Variants in MICAL2 observed in about 807,000 individuals in gnomAD.
The protein encoded by MICAL2 is [F-actin]-monooxygenase MICAL2.
Under a neutral mutation model 127.3 loss-of-function variants are expected in MICAL2, and 77 were observed. That is an observed-to-expected ratio of 0.60 (90% CI 0.50 to 0.73). The LOEUF (loss-of-function observed/expected upper bound fraction) is 0.73. Ranked by LOEUF, MICAL2 falls within the 30% of genes least tolerant of loss-of-function variation. MICAL2 has a pLI of 0.00. For synonymous variants in MICAL2, 570 were observed against 551.1 expected, an observed-to-expected ratio of 1.03 and a Z score of -0.48; for missense variants, 1,351 against 1,434.4, an observed-to-expected ratio of 0.94 and a Z score of 0.94.
chr11:12,170,513 C>T (rs906625935), intron 3 of MICAL2, among the ~76,000 whole-genome samples: 1 of 152,206 alleles, frequency 6.6e-6, no homozygotes. Context: ...GAGAAGAACA[C>T]CTATAAGTGT....
chr11:12,321,606 A>AG lies in MICAL2; in HGVS notation c.5328+1795_5328+1796insG, dbSNP rs1864297764. On this transcript the variant is annotated intron_variant, in intron 30 of 34. Coordinates refer to the MICAL2 transcript ENST00000646065. ...AGCGTCTTTCCCTCTCTGCATCATCACCATCAGTGAGGATATAAGAACTGT... is the reference window on the plus strand; with the variant it reads ...AGCGTCTTTCCCTCTCTGCATCATCAGCCATCAGTGAGGATATAAGAACTGT... 2.0e-5 allele frequency among the ~76,000 whole-genome samples: 3 copies of AG among 152,066 alleles called. No individual in the cohort carries two copies. The South Asian group carries it at 6.2e-4, about 32-fold the overall frequency.
chr11:12,222,097 G>A (rs16910813), intron 10 of MICAL2, among the ~76,000 whole-genome samples: 17 of 152,308 alleles, frequency 1.1e-4, no homozygotes, highest in African/African-American at 2.2e-4. Context: ...CCAGGGCAGC[G>A]CTGAGTCTCC....
intron 32 of MICAL2, among the ~76,000 whole-genome samples, chr11:12,340,342 G>T (rs1410617320): frequency 2.6e-5 from 4 of 152,152 alleles, no homozygotes; most frequent in Non-Finnish European, 5.9e-5. Context: ...AAAAAACTAT[G>T]GAAAACTATT....
intron 32 of MICAL2, among the ~76,000 whole-genome samples, chr11:12,342,685 C>A (rs565287389): frequency 6.6e-6 from 1 of 152,170 alleles, no homozygotes; most frequent in African/African-American, 2.4e-5. Flanking sequence ...ATTTGACATG[C>A]GTCAGCTCAT....
At chr11:12,336,623 T>A (rs1452387780) in intron 32 of MICAL2, among the ~76,000 whole-genome samples, 2 of 152,114 alleles carry the variant, frequency 1.3e-5, no homozygotes, top group Non-Finnish European at 2.9e-5. Context: ...TTGAGATACA[T>A]CCCATCAATA....
In MICAL2 at chr11:12,256,980, AG is replaced by A. The variant is rs777119865; in HGVS notation, c.3142+13del. The A allele has an allele frequency of 6.2e-7, 1 of 1,608,752 alleles. No individual in the cohort carries two copies. Among genetic ancestry groups the A allele is most frequent in the Non-Finnish European group, 8.5e-7 (1 of 1,177,550 alleles). The stretch of plus-strand genomic sequence containing the variant: ...CTTTGACTGCGATGAAGGTAACCCC[AG>A]GGGCCAGGGCAGCACTGGGCTCTGG... On this transcript the variant is annotated intron_variant, in intron 24 of 27. Transcript: ENST00000683283.
intron 15 of MICAL2, among the ~76,000 whole-genome samples, chr11:12,229,170 C>T (rs977127953): frequency 3.3e-5 from 5 of 152,224 alleles, no homozygotes; most frequent in African/African-American, 1.2e-4. Context: ...GAGGCCTGAA[C>T]TCCCTGCTCC....
chr11:12,305,741 G>A (rs892885116), intron 29 of MICAL2, among the ~76,000 whole-genome samples: 5 of 152,150 alleles, frequency 3.3e-5, no homozygotes, highest in Admixed American at 6.5e-5. Flanking sequence ...CTACTGTAGC[G>A]AGTCTTCAAA....
At chr11:12,218,049 A>C (rs1391539365) in intron 8 of MICAL2, among the ~76,000 whole-genome samples, 1 of 152,230 alleles carries the variant, frequency 6.6e-6, no homozygotes, top group Non-Finnish European at 1.5e-5. Flanking sequence ...ATAGCCACAC[A>C]GAAGGTGCCA....
chr11:12,354,626 C>T (rs1471743409), intron 33 of MICAL2, among the ~76,000 whole-genome samples: 1 of 152,074 alleles, frequency 6.6e-6, no homozygotes, highest in Non-Finnish European at 1.5e-5. Flanking sequence ...AAGACTCGGT[C>T]TCAGAAAAAT....
chr11:12,118,804 T>G (rs971711336), intron 1 of MICAL2, among the ~76,000 whole-genome samples: 3 of 152,182 alleles, frequency 2.0e-5, no homozygotes, highest in Non-Finnish European at 2.9e-5. Context: ...GGAGATGAAA[T>G]TAAAATATTT....
chr11:12,205,325 G>A (rs545685828), intron 4 of MICAL2, among the ~76,000 whole-genome samples: 3 of 152,240 alleles, frequency 2.0e-5, no homozygotes, highest in East Asian at 1.9e-4. Context: ...TGCAGTTGAC[G>A]CTTGAACAAC....
At chr11:12,324,483 A>G (rs773480383) in intron 31 of MICAL2, among the ~76,000 whole-genome samples, 12 of 152,230 alleles carry the variant, frequency 7.9e-5, no homozygotes, top group Non-Finnish European at 1.5e-4. Flanking sequence ...CTCTATTTCA[A>G]GATTAGTTGA....
intron 7 of MICAL2, among the ~76,000 whole-genome samples, chr11:12,215,172 T>C (rs1590391305): frequency 6.6e-6 from 1 of 152,166 alleles, no homozygotes; most frequent in African/African-American, 2.4e-5. Flanking sequence ...GAGCAGGACA[T>C]TGAGTGGGTT....
chr11:12,262,465 C>G lies in MICAL2; in HGVS notation c.3335-15C>G. On this transcript the variant is annotated splice_polypyrimidine_tract_variant and intron_variant, in intron 26 of 27. Transcript: ENST00000683283. Reference sequence around the variant, plus strand: ...ATCTTTCTCTCTCTTTCCAATCTTACGCCATGGCCATCAGTTCATTTCAGC... The same window carrying G: ...ATCTTTCTCTCTCTTTCCAATCTTAGGCCATGGCCATCAGTTCATTTCAGC... 6.2e-7 allele frequency: 1 copy of G among 1,613,624 alleles called. No individual in the cohort carries two copies. Among genetic ancestry groups the G allele is most frequent in the Non-Finnish European group, 8.5e-7 (1 of 1,179,984 alleles).
intron 3 of MICAL2, among the ~76,000 whole-genome samples, chr11:12,178,846 C>T (rs995004510): frequency 3.3e-5 from 5 of 152,022 alleles, no homozygotes; most frequent in Admixed American, 6.6e-5. Context: ...CTCAGCCTCC[C>T]GAGTAGCTGG....
intron 30 of MICAL2, chr11:12,319,920 C>A: frequency 1.3e-6 from 1 of 761,310 alleles, no homozygotes; most frequent in Admixed American, 2.1e-5. Flanking sequence ...TTAGGAGGAT[C>A]ATGTTTCATT....
intron 3 of MICAL2, among the ~76,000 whole-genome samples, chr11:12,200,875 C>T (rs1276761055): frequency 2.0e-5 from 3 of 152,198 alleles, no homozygotes; most frequent in South Asian, 2.1e-4. Flanking sequence ...GCCTGGTGGA[C>T]AGAAGGATGC....
chr11:12,330,406 G>A (rs529277293), intron 32 of MICAL2, among the ~76,000 whole-genome samples: 12 of 152,264 alleles, frequency 7.9e-5, no homozygotes, highest in African/African-American at 2.9e-4. Context: ...AGCTATAAAG[G>A]TTGTGAATAA....
Sources: gnomAD v4.1 joint callset for allele counts (sites outside exome capture counted in the v4.1 genomes callset) on GRCh38, gnomAD v4.1.1 for gene constraint, MANE v1.5 for transcripts, NCBI Gene and HGNC (gene_info 2026-07-23, HGNC 2026-07-21) for gene names.